KIAA0319L: variants seen among roughly 807,000 people sequenced by gnomAD.
KIAA0319L encodes the protein dyslexia-associated protein KIAA0319-like protein.
In KIAA0319L, 55 loss-of-function variants were observed where a neutral mutation model predicts 120.1. The observed-to-expected ratio is 0.46, with a 90% CI of 0.37 to 0.57. The LOEUF is 0.57. Ranked by LOEUF, KIAA0319L falls within the 20% of genes least tolerant of loss-of-function variation. KIAA0319L has a pLI of 0.00. For synonymous variants in KIAA0319L, 398 were observed against 471.9 expected (o/e 0.84, Z 2.03); for missense variants, 1,049 against 1,255.3 (o/e 0.84, Z 2.48).
At chr1:35,515,820 G>A (rs887759981) in intron 2 of KIAA0319L, among the ~76,000 whole-genome samples, 1 of 151,848 alleles carries the variant, frequency 6.6e-6, no homozygotes, top group South Asian at 2.1e-4. Flanking sequence ...TAATAAAGAA[G>A]AAAAAGAGAG....
intron 2 of KIAA0319L, among the ~76,000 whole-genome samples, chr1:35,535,461 T>TGA (rs1222879851): frequency 1.3e-5 from 2 of 152,246 alleles, no homozygotes; most frequent in East Asian, 3.8e-4. Context: ...TTCCTAAAGC[T>TGA]GAGATTCCTG....
chr1:35,488,718 G>A (rs1057470818), intron 3 of KIAA0319L, among the ~76,000 whole-genome samples: 1 of 152,206 alleles, frequency 6.6e-6, no homozygotes, highest in African/African-American at 2.4e-5. Flanking sequence ...AAAGGACCAG[G>A]AATGTGTGGT....
intron 20 of KIAA0319L, chr1:35,438,515 C>CTTTTTTTTTTT (rs35570824): frequency 9.6e-6 from 1 of 103,884 alleles, no homozygotes; most frequent in Non-Finnish European, 1.9e-5. Context: ...CCACAGTTAT[C>CTTTTTTTTTTT]TTTTTTTTTT....
At chr1:35,508,486 T>C (rs896161740) in intron 2 of KIAA0319L, among the ~76,000 whole-genome samples, 5 of 151,920 alleles carry the variant, frequency 3.3e-5, no homozygotes, top group African/African-American at 1.2e-4. Context: ...AAAAGGAAGG[T>C]AAAGGCAAGC....
chr1:35,502,208 G>C (rs925379089), intron 3 of KIAA0319L, among the ~76,000 whole-genome samples: 3 of 150,834 alleles, frequency 2.0e-5, no homozygotes, highest in Non-Finnish European at 2.9e-5. Context: ...CCCAGAGGCA[G>C]AGGTTGCAGT....
At chr1:35,556,054 A>G (rs990223974) in intron 1 of KIAA0319L, among the ~76,000 whole-genome samples, 4 of 152,274 alleles carry the variant, frequency 2.6e-5, no homozygotes, top group Non-Finnish European at 5.9e-5. Flanking sequence ...CGCAAGAACA[A>G]CAACACATCA....
chr1:35,490,260 T>G (rs1440479482), intron 3 of KIAA0319L, among the ~76,000 whole-genome samples: 1 of 152,334 alleles, frequency 6.6e-6, no homozygotes, highest in South Asian at 2.1e-4. Context: ...GTTAAAGTAC[T>G]AATAAAAGTC....
chr1:35,483,000 G>A (rs1386293545), intron 3 of KIAA0319L, among the ~76,000 whole-genome samples: 3 of 152,090 alleles, frequency 2.0e-5, no homozygotes, highest in Non-Finnish European at 2.9e-5. Flanking sequence ...AGTGATTAGC[G>A]ACATTGAACA....
intron 2 of KIAA0319L, among the ~76,000 whole-genome samples, chr1:35,508,989 T>C (rs952784613): frequency 6.6e-6 from 1 of 152,168 alleles, no homozygotes; most frequent in Non-Finnish European, 1.5e-5. Flanking sequence ...AGACAAAATA[T>C]ATAAAGCAAC....
chr1:35,464,063 C>T (rs998035974), intron 7 of KIAA0319L, among the ~76,000 whole-genome samples: 4 of 152,114 alleles, frequency 2.6e-5, no homozygotes, highest in African/African-American at 7.2e-5. Context: ...TGCCCAGTCT[C>T]GGGCATGTCT....
intron 20 of KIAA0319L, among the ~76,000 whole-genome samples, chr1:35,436,289 T>C (rs1350788480): frequency 6.6e-6 from 1 of 152,222 alleles, no homozygotes; most frequent in Non-Finnish European, 1.5e-5. Context: ...CCCAAGGACC[T>C]TGTCCATGTA....
chr1:35,522,370 C>T (rs1463738535), intron 2 of KIAA0319L, among the ~76,000 whole-genome samples: 1 of 151,638 alleles, frequency 6.6e-6, no homozygotes, highest in Non-Finnish European at 1.5e-5. Flanking sequence ...ACCTCCGCCT[C>T]CCAGGTTCAA....
chr1:35,444,173 C>T lies in KIAA0319L; in HGVS notation c.2644G>A (p.Val882Ile), dbSNP rs1392804878. Residue 882 changes from valine (V) to isoleucine (I), a missense_variant, in exon 17 of 21, where the codon GTC becomes ATC. Val to Ile is a conservative substitution (Grantham distance 29). Transcript: ENST00000325722. ...ADFLIFRALEVNTVTCQLNCS... is the reference protein window; with the variant it reads ...ADFLIFRALEINTVTCQLNCS... ...CAGAATTACTCACTGACAGTGTTGA[C>T]TTCCAAGGCTCTGAATATCAAAAAG... The T allele has an allele frequency of 6.2e-7, 1 of 1,600,832 alleles. No individual in the cohort carries two copies. The highest frequency in any genetic ancestry group is 2.3e-5 in the East Asian group (1 of 44,168).
At chr1:35,505,699 G>GT (rs1245865915) in intron 3 of KIAA0319L, among the ~76,000 whole-genome samples, 1 of 151,974 alleles carries the variant, frequency 6.6e-6, no homozygotes, top group Non-Finnish European at 1.5e-5. Flanking sequence ...GCACTAAAAA[G>GT]TTTTTTTCTT....
At position 35,506,667 on chromosome 1, in the gene KIAA0319L, G is replaced by C; in HGVS notation, c.611C>G (p.Ser204Cys). 6.2e-7 allele frequency: 1 copy of C among 1,614,124 alleles called. No homozygotes were observed. ...TAATTCGTTGGAGTCATTCACTTTA[G>C]AATGCTGTGTCACTATAGGTGTAAC... ...DVVTPIVTQH[S>C]KVNDSNELGG... Residue 204 changes from serine (S) to cysteine (C), a missense_variant, in exon 3 of 21, where the codon TCT (serine) becomes TGT (cysteine). Ser to Cys is a moderately radical substitution (Grantham distance 112, BLOSUM62 -1). Coordinates refer to ENST00000325722, the MANE Select transcript of KIAA0319L (RefSeq NM_024874.5). This position sits in a 1 kb window ranked among gnomAD's most constrained non-coding sequence, Gnocchi z 4.0.
At chr1:35,457,444 A>G (rs1642557750) in intron 9 of KIAA0319L, among the ~76,000 whole-genome samples, 1 of 151,210 alleles carries the variant, frequency 6.6e-6, no homozygotes, top group Non-Finnish European at 1.5e-5. Context: ...ATGAAAATGA[A>G]TTCTCCTACG....
rs1203175136 is a variant in KIAA0319L at position 35,453,078 on chromosome 1, G to A, written c.1913+479C>T. On this transcript the variant is annotated intron_variant, in intron 12 of 20. Transcript: ENST00000325722. This position sits in a 1 kb window ranked among gnomAD's most constrained non-coding sequence, Gnocchi z 4.1. ...TAGAATTATTTTGATTACCGCCTTTGGCCTCTGGCTAACTTAATTGGTAAA... is the reference window on the plus strand; with the variant it reads ...TAGAATTATTTTGATTACCGCCTTTAGCCTCTGGCTAACTTAATTGGTAAA... Among the ~76,000 whole-genome samples, 1 of 152,156 alleles carries A rather than the reference G, an allele frequency of 6.6e-6. No individual in the cohort carries two copies. Among genetic ancestry groups the A allele is most frequent in the African/African-American group, 2.4e-5 (1 of 41,432 alleles).
At chr1:35,484,701 C>T (rs1006399808) in intron 3 of KIAA0319L, among the ~76,000 whole-genome samples, 1 of 146,620 alleles carries the variant, frequency 6.8e-6, no homozygotes, top group African/African-American at 2.5e-5. Flanking sequence ...GAGCCACTTC[C>T]CTATTTGTTA....
At chr1:35,481,737 T>C (rs1167040789) in intron 3 of KIAA0319L, among the ~76,000 whole-genome samples, 2 of 150,936 alleles carry the variant, frequency 1.3e-5, no homozygotes, top group Non-Finnish European at 3.0e-5. Flanking sequence ...CTAATGCATA[T>C]CCATCACTTC....
Sources: gnomAD v4.1 joint callset for allele counts (sites outside exome capture counted in the v4.1 genomes callset) on GRCh38, gnomAD v4.1.1 for gene constraint, Gnocchi (gnomAD v3.1) non-coding constraint, MANE v1.5 for transcripts, NCBI Gene and HGNC (gene_info 2026-07-23, HGNC 2026-07-21) for gene names.